The following PLEKHG4B variants were observed in gnomAD, a reference collection of about 807,000 sequenced individuals.
PLEKHG4B encodes the protein pleckstrin homology and RhoGEF domain containing G4B, also known as pleckstrin homology domain-containing family G member 4B.
A neutral mutation model predicts 121.3 loss-of-function variants in PLEKHG4B; 111 were observed. That is an observed-to-expected ratio of 0.92 (90% confidence interval 0.78 to 1.07). PLEKHG4B has a LOEUF of 1.07. Ranked by LOEUF, PLEKHG4B falls within the 50% of genes least tolerant of loss-of-function variation. The probability of loss-of-function intolerance (pLI) is 0.00; values close to 1 mark genes in which losing one functional copy is unlikely to be tolerated. For synonymous variants in PLEKHG4B, 738 were observed against 725.0 expected, an observed-to-expected ratio of 1.02 and a Z score of -0.29; for missense variants, 1,831 against 1,757.8, an observed-to-expected ratio of 1.04 and a Z score of -0.74.
intron 6 of PLEKHG4B, among the ~76,000 whole-genome samples, chr5:145,312 C>T (rs1276026631): frequency 6.6e-6 from 1 of 152,224 alleles, no homozygotes; most frequent in Admixed American, 6.5e-5. Flanking sequence ...ATGGAGAGCA[C>T]AGCATCACCC....
At chr5:162,612 T>C in intron 12 of PLEKHG4B, 110 bp from the exon 13 acceptor site, 1 of 802,702 alleles carries the variant, frequency 1.2e-6, no homozygotes, top group Non-Finnish European at 1.7e-6. Context: ...CGCTCTGCTT[T>C]CTGGCCCCCT....
chr5:166,696 T>C (rs925560831), intron 13 of PLEKHG4B, among the ~76,000 whole-genome samples: 1 of 152,144 alleles, frequency 6.6e-6, no homozygotes, highest in African/African-American at 2.4e-5. Flanking sequence ...TCGGTGGCCC[T>C]GGGGGTTGGA....
At chr5:102,042 G>A (rs1448143287) in intron 1 of PLEKHG4B, among the ~76,000 whole-genome samples, 3 of 93,880 alleles carry the variant, frequency 3.2e-5, no homozygotes, top group Admixed American at 2.0e-4. Flanking sequence ...GAAAAAGTCT[G>A]TAGGGGAGAG....
Position 157,417 on chromosome 5 carries a change from A to C in PLEKHG4B, c.2487+506A>C, listed in dbSNP as rs1338565781. On this transcript the variant is annotated intron_variant, in intron 11 of 19. Coordinates refer to ENST00000637938, the MANE Select transcript of PLEKHG4B (RefSeq NM_052909.5). The surrounding 1 kb of genome is among the most constrained non-coding windows in gnomAD (Gnocchi z 4.6). ...ACAAATCGGGAGGGGGTGATGACGG[A>C]AGTGGCTTTTCATGAATTCTCTGGG... Among the ~76,000 whole-genome samples, 1 of 152,116 alleles carries C rather than the reference A, an allele frequency of 6.6e-6. No homozygotes were observed. Among genetic ancestry groups the C allele is most frequent in the African/African-American group, 2.4e-5 (1 of 41,432 alleles).
At chr5:114,351 C>T (rs1734243990) in intron 2 of PLEKHG4B, among the ~76,000 whole-genome samples, 1 of 152,200 alleles carries the variant, frequency 6.6e-6, no homozygotes, top group Admixed American at 6.5e-5. Flanking sequence ...AGTCGATCCT[C>T]TCACATCCTT....
Position 150,065 on chromosome 5 carries a change from T to C in PLEKHG4B, c.1906-1448T>C, listed in dbSNP as rs11955833. ...AGAGTTTCAGAGATTTATACAGCTG[T>C]GTTCATAGCAGCATTATCCATAACA... On this transcript the variant is annotated intron_variant, in intron 6 of 19. Transcript: ENST00000637938. 2.8e-3 allele frequency among the ~76,000 whole-genome samples: 429 copies of C among 152,330 alleles called. 2 individuals carry two copies. Among genetic ancestry groups the C allele is most frequent in the African/African-American group, 9.6e-3 (398 of 41,582 alleles).
Position 170,451 on chromosome 5 carries a change from G to A in PLEKHG4B, c.3730-592G>A, listed in dbSNP as rs535923325. On this transcript the variant is annotated intron_variant, in intron 14 of 19. Transcript: ENST00000637938. ...TTGAGTAGCTGGGACTACAGGCGCC[G>A]CCACCACGCCCGGCTAATTTTTGTA... 2.2e-3 allele frequency among the ~76,000 whole-genome samples: 328 copies of A among 152,076 alleles called. 1 individual carries two copies. Among genetic ancestry groups the A allele is most frequent in the Non-Finnish European group, 3.8e-3 (257 of 67,996 alleles).
intron 1 of PLEKHG4B, among the ~76,000 whole-genome samples, chr5:96,511 T>C (rs940336316): frequency 1.3e-5 from 2 of 152,238 alleles, no homozygotes; most frequent in East Asian, 3.8e-4. Flanking sequence ...AGAAGTGTTT[T>C]GTAGAAGTGC....
rs141621922 is a variant in PLEKHG4B, at chr5:113,720, A to G, written c.243+272A>G. On this transcript the variant is annotated intron_variant, in intron 2 of 19. Transcript: ENST00000637938. The surrounding 1 kb of genome is among the most constrained non-coding windows in gnomAD (Gnocchi z 5.2). The stretch of plus-strand genomic sequence containing the variant: ...ATTCTTTGAAGGAAGTAAATAAGTC[A>G]TTCTTCAGAGCAGGTATCTCAGAAC... Among the ~76,000 whole-genome samples, 144 of 152,350 alleles carry G rather than the reference A, an allele frequency of 9.5e-4. No homozygotes were observed. The highest frequency in any genetic ancestry group is 3.4e-3 in the African/African-American group (141 of 41,578).
intron 2 of PLEKHG4B, among the ~76,000 whole-genome samples, chr5:115,107 A>G (rs1186059635): frequency 6.6e-6 from 1 of 152,262 alleles, no homozygotes; most frequent in Non-Finnish European, 1.5e-5. Flanking sequence ...ATTTCTTAAA[A>G]AGACTTGAAA....
chr5:93,206 C>T (rs1733524871), intron 1 of PLEKHG4B, among the ~76,000 whole-genome samples: 1 of 152,082 alleles, frequency 6.6e-6, no homozygotes, highest in African/African-American at 2.4e-5. Flanking sequence ...GAGCCTTAGG[C>T]AGCTGGGTGG....
intron 1 of PLEKHG4B, among the ~76,000 whole-genome samples, chr5:104,803 G>A (rs929213619): frequency 7.9e-5 from 12 of 152,228 alleles, no homozygotes; most frequent in Non-Finnish European, 1.5e-4. Flanking sequence ...TTTAGGAAAA[G>A]CACAACAATC....
chr5:116,599 C>T (rs931261924), intron 2 of PLEKHG4B, among the ~76,000 whole-genome samples: 3 of 152,170 alleles, frequency 2.0e-5, no homozygotes, highest in Non-Finnish European at 2.9e-5. Flanking sequence ...TTCTTGAGGC[C>T]GGGGTAAAAC....
chr5:143,679 A>G (rs1735308904), intron 5 of PLEKHG4B, among the ~76,000 whole-genome samples, 176 bp downstream of exon 5: 1 of 152,064 alleles, frequency 6.6e-6, no homozygotes, highest in South Asian at 2.1e-4. Flanking sequence ...TCTACACACC[A>G]TTTCTTGCCT....
At chr5:103,608 G>T (rs1167722360) in intron 1 of PLEKHG4B, among the ~76,000 whole-genome samples, 1 of 152,106 alleles carries the variant, frequency 6.6e-6, no homozygotes, top group East Asian at 1.9e-4. Flanking sequence ...TGTGATAGTT[G>T]TACATATTTT....
intron 1 of PLEKHG4B, among the ~76,000 whole-genome samples, chr5:111,945 T>C (rs1347759770): frequency 6.9e-6 from 1 of 144,518 alleles, no homozygotes; most frequent in Non-Finnish European, 1.5e-5. Context: ...CTCATTCTCA[T>C]GGACTGTGTG....
intron 18 of PLEKHG4B, among the ~76,000 whole-genome samples, chr5:177,854 T>A (rs527351362): frequency 7.2e-4 from 110 of 152,372 alleles, no homozygotes; most frequent in South Asian, 8.3e-4. Flanking sequence ...GCTTAGGAAG[T>A]TGTACGCATC....
intron 2 of PLEKHG4B, among the ~76,000 whole-genome samples, chr5:121,611 G>A (rs1034659129): frequency 5.9e-5 from 9 of 152,124 alleles, no homozygotes; most frequent in Non-Finnish European, 1.0e-4. Context: ...ACCTGACAGA[G>A]GAAGGAGGCA....
chr5:99,785 C>G (rs1365836380), intron 1 of PLEKHG4B, among the ~76,000 whole-genome samples: 5 of 152,210 alleles, frequency 3.3e-5, no homozygotes, highest in Admixed American at 2.0e-4. Flanking sequence ...GTGTAGAAAG[C>G]AGGCATCCCT....
Sources: gnomAD v4.1 joint callset for allele counts (sites outside exome capture counted in the v4.1 genomes callset) on GRCh38, gnomAD v4.1.1 for gene constraint, Gnocchi (gnomAD v3.1) non-coding constraint, MANE v1.5 for transcripts, NCBI Gene and HGNC (gene_info 2026-07-23, HGNC 2026-07-21) for gene names.